Variants in DNM3 observed in about 807,000 individuals in gnomAD.
DNM3 encodes the protein dynamin-3.
DNM3 carries 47 observed loss-of-function variants against 101.6 expected under a neutral mutation model. The observed-to-expected ratio is 0.46, with a 90% CI of 0.37 to 0.59. The LOEUF (loss-of-function observed/expected upper bound fraction) is 0.59, where lower values mean the gene tolerates loss of function less well. DNM3 is among the 20% of genes least tolerant of loss of function. The pLI is 0.00. For synonymous variants in DNM3, 385 were observed against 387.9 expected (o/e 0.99, Z 0.09); for missense variants, 849 against 1,085.7 (o/e 0.78, Z 3.06).
intron 1 of DNM3, among the ~76,000 whole-genome samples, chr1:171,909,608 G>T: frequency 6.6e-6 from 1 of 152,200 alleles, no homozygotes; most frequent in Admixed American, 6.5e-5. Context: ...TTCTTGACTA[G>T]TGCTCTTTCC....
intron 4 of DNM3, among the ~76,000 whole-genome samples, chr1:172,024,215 A>T (rs933228812): frequency 3.0e-4 from 46 of 152,154 alleles, no homozygotes; most frequent in Non-Finnish European, 5.6e-4. Flanking sequence ...ATTGTGACCA[A>T]CAATAAACAT....
intron 2 of DNM3, among the ~76,000 whole-genome samples, chr1:171,977,764 A>G (rs932889805): frequency 1.3e-5 from 2 of 152,200 alleles, no homozygotes; most frequent in South Asian, 2.1e-4. Flanking sequence ...ATTATCTTCT[A>G]TCTGGCCTTT....
chr1:172,041,568 G>A lies in DNM3; in HGVS notation c.993-441G>A, dbSNP rs534168926. 5.3e-5 allele frequency among the ~76,000 whole-genome samples: 8 copies of A among 152,244 alleles called. No individual in the cohort carries two copies. The South Asian group carries it at 1.7e-3, about 32-fold the overall frequency. On this transcript the variant is annotated intron_variant, in intron 7 of 20. Coordinates refer to ENST00000627582, the MANE Select transcript of DNM3 (RefSeq NM_015569.5). Reference sequence around the variant, plus strand: ...GCCCTTGAAGCTATGGCAACCTTGAGATCACCTAGGGATGAATGTGAGGAG... The same window carrying A: ...GCCCTTGAAGCTATGGCAACCTTGAAATCACCTAGGGATGAATGTGAGGAG...
rs12062104 is a variant in DNM3, at chr1:171,958,356, G to A, written c.236-29300G>A. Among the ~76,000 whole-genome samples the A allele has an allele frequency of 9.1e-3, 1,391 of 152,300 alleles. 17 individuals are homozygous for A. The highest frequency in any genetic ancestry group is 0.031 in the African/African-American group (1,300 of 41,566). ...CCATATCACAGGTTATGATGTGTGTGTATGTGTTTGTACTTGTATTTTTAT... is the reference window on the plus strand; with the variant it reads ...CCATATCACAGGTTATGATGTGTGTATATGTGTTTGTACTTGTATTTTTAT... On this transcript the variant is annotated intron_variant, in intron 2 of 20. Transcript: ENST00000627582.
At chr1:172,269,905 C>T (rs2148743625) in intron 15 of DNM3, among the ~76,000 whole-genome samples, 1 of 152,266 alleles carries the variant, frequency 6.6e-6, no homozygotes, top group African/African-American at 2.4e-5. Flanking sequence ...ATATCCCTAG[C>T]TGGGCCCAGC....
chr1:172,349,831 A>G (rs1168566491), intron 17 of DNM3, among the ~76,000 whole-genome samples: 1 of 152,138 alleles, frequency 6.6e-6, no homozygotes, highest in Non-Finnish European at 1.5e-5. Context: ...AAGTCATTAT[A>G]TGGTTGAGTG....
At chr1:172,325,792 A>G (rs1201466155) in intron 17 of DNM3, among the ~76,000 whole-genome samples, 1 of 152,108 alleles carries the variant, frequency 6.6e-6, no homozygotes, top group African/African-American at 2.4e-5. Context: ...CTCATTTTAG[A>G]CTTGCAAAGG....
chr1:172,216,405 A>T (rs975645209), intron 14 of DNM3, among the ~76,000 whole-genome samples: 18 of 152,086 alleles, frequency 1.2e-4, no homozygotes, highest in African/African-American at 4.1e-4. Context: ...TGATCTATTT[A>T]TTCCTGAAAA....
At chr1:172,227,554 A>G (rs1445876104) in intron 14 of DNM3, among the ~76,000 whole-genome samples, 3 of 152,012 alleles carry the variant, frequency 2.0e-5, no homozygotes, top group Non-Finnish European at 4.4e-5. Flanking sequence ...CCAGCAGTGT[A>G]TAAGTGTTTC....
In DNM3 at chr1:172,232,169, G is replaced by T. The variant is rs1047161533; in HGVS notation, c.1660-21404G>T. The stretch of plus-strand genomic sequence containing the variant: ...ATCTCACATGCAGAGACACACATAG[G>T]CTCAAAATAAAGGGATGGAGGAAGA... On this transcript the variant is annotated intron_variant, in intron 14 of 20. Transcript: ENST00000627582. Among the ~76,000 whole-genome samples the T allele has an allele frequency of 2.6e-5, 4 of 152,072 alleles. No individual in the cohort carries two copies. The East Asian group carries it at 5.8e-4, about 22-fold the overall frequency.
chr1:172,230,901 G>A (rs1353023147), intron 14 of DNM3, among the ~76,000 whole-genome samples: 1 of 151,758 alleles, frequency 6.6e-6, no homozygotes, highest in African/African-American at 2.4e-5. Flanking sequence ...TACTTACTTA[G>A]TCCCCTTTGA....
intron 10 of DNM3, among the ~76,000 whole-genome samples, chr1:172,054,685 G>A (rs953459600): frequency 5.9e-5 from 9 of 152,114 alleles, no homozygotes; most frequent in African/African-American, 1.9e-4. Context: ...AGGGCCAGGC[G>A]AGGTGGCTCA....
intron 13 of DNM3, among the ~76,000 whole-genome samples, chr1:172,094,019 C>G (rs2054088408): frequency 6.6e-6 from 1 of 152,012 alleles, no homozygotes; most frequent in East Asian, 1.9e-4. Context: ...TTTAATGGTC[C>G]TTAAAATAAT....
chr1:172,412,424 C>CTA lies in DNM3; in HGVS notation c.*4585_*4586dup, dbSNP rs924549514. On this transcript the variant is annotated 3_prime_UTR_variant, in exon 21 of 21. Transcript: ENST00000627582. ...TACAGCCTTTGTTTTGCTTGCTTGT[C>CTA]TATTTTTACTTTCCCTTTTTTGGGT... The CTA allele has an allele frequency of 1.0e-6, 1 of 985,540 alleles. No individual in the cohort carries two copies. Among genetic ancestry groups the CTA allele is most frequent in the Admixed American group, 6.2e-5 (1 of 16,242 alleles). The allele number at this position is 985,540 out of a possible 1,614,324, so 61.0% of individuals were successfully genotyped here.
intron 17 of DNM3, among the ~76,000 whole-genome samples, chr1:172,356,526 G>A (rs1258297350): frequency 1.3e-5 from 2 of 151,988 alleles, no homozygotes; most frequent in Admixed American, 6.6e-5. Context: ...AATTTGTAAT[G>A]AAAGAGCCAT....
intron 2 of DNM3, among the ~76,000 whole-genome samples, chr1:171,955,787 G>A (rs1374773505): frequency 6.6e-6 from 1 of 152,136 alleles, no homozygotes; most frequent in Non-Finnish European, 1.5e-5. Context: ...CTGAGACTGG[G>A]CAATTGACAA....
intron 14 of DNM3, among the ~76,000 whole-genome samples, chr1:172,233,058 T>C (rs2061399134): frequency 6.6e-6 from 1 of 151,980 alleles, no homozygotes; most frequent in Admixed American, 6.6e-5. Context: ...CTGAAGGAGA[T>C]AGAGACACAA....
intron 15 of DNM3, among the ~76,000 whole-genome samples, chr1:172,302,616 G>C (rs941887364): frequency 6.6e-6 from 1 of 152,304 alleles, no homozygotes; most frequent in African/African-American, 2.4e-5. Flanking sequence ...ACACCTCCCA[G>C]TAGGGGCTGA....
At chr1:172,083,961 G>T (rs2053343367) in intron 12 of DNM3, among the ~76,000 whole-genome samples, 1 of 151,838 alleles carries the variant, frequency 6.6e-6, no homozygotes, top group African/African-American at 2.4e-5. Context: ...TATGATATTG[G>T]GGAGAAAAAA....
Sources: allele counts gnomAD v4.1 joint callset (sites outside exome capture counted in the v4.1 genomes callset), GRCh38; gene constraint gnomAD v4.1.1; transcripts MANE v1.5; gene names NCBI Gene and HGNC (gene_info 2026-07-23, HGNC 2026-07-21).